Variants in AFF2 observed in about 807,000 individuals in gnomAD.
The protein encoded by AFF2 is AF4/FMR2 family member 2.
AFF2 carries 14 observed loss-of-function variants against 76.9 expected under a neutral mutation model. The observed-to-expected ratio is 0.18, with a 90% confidence interval of 0.12 to 0.28. The LOEUF is 0.28. AFF2 is among the 10% of genes least tolerant of loss of function. The pLI is 1.00. For missense variants in AFF2, 868 were observed against 1,001.1 expected (o/e 0.87, Z 1.79); for synonymous variants, 398 against 366.7 (o/e 1.09, Z -0.98).
At chrX:148,512,155 G>T (rs1656488962) in intron 1 of AFF2, among the ~76,000 whole-genome samples, 1 of 111,556 alleles carries the variant, frequency 9.0e-6, no homozygotes, top group South Asian at 3.7e-4. Context: ...CAGAAAAAAT[G>T]CAAGAGCCAT....
chrX:148,639,255 T>A (rs781931853), intron 1 of AFF2, among the ~76,000 whole-genome samples: 1 of 112,291 alleles, frequency 8.9e-6, no homozygotes, highest in African/African-American at 3.2e-5. Flanking sequence ...AAGAGAAACA[T>A]TTAAAAATCC....
intron 1 of AFF2, among the ~76,000 whole-genome samples, chrX:148,638,732 T>C (rs934723265): frequency 9.0e-6 from 1 of 110,498 alleles, no homozygotes; most frequent in Non-Finnish European, 1.9e-5. Flanking sequence ...TGCCACACAC[T>C]TAAACAACCA....
chrX:148,581,065 A>G (rs868950917), intron 1 of AFF2, among the ~76,000 whole-genome samples: 12 of 89,460 alleles, frequency 1.3e-4, no homozygotes, highest in South Asian at 5.2e-4. Context: ...GTGTATATGT[A>G]TATATACACA....
chrX:148,946,262 T>C (rs1343274697), intron 9 of AFF2, among the ~76,000 whole-genome samples: 3 of 112,295 alleles, frequency 2.7e-5, no homozygotes, highest in Non-Finnish European at 3.8e-5. Flanking sequence ...TCTACTAGCG[T>C]CTTTTTACTC....
At chrX:148,770,789 A>G (rs782558215) in intron 3 of AFF2, among the ~76,000 whole-genome samples, 1 of 112,152 alleles carries the variant, frequency 8.9e-6, no homozygotes, top group African/African-American at 3.2e-5. Context: ...TTGCAGCTTA[A>G]TATGGTGTAA....
At chrX:148,778,508 G>T (rs1339838000) in intron 3 of AFF2, among the ~76,000 whole-genome samples, 1 of 111,002 alleles carries the variant, frequency 9.0e-6, no homozygotes, top group African/African-American at 3.3e-5. Flanking sequence ...TAATTTTTTG[G>T]TTGGTAGTCT....
chrX:148,561,034 G>GT (rs1569551279), intron 1 of AFF2, among the ~76,000 whole-genome samples: 1 of 111,569 alleles, frequency 9.0e-6, no homozygotes, highest in African/African-American at 3.3e-5. Flanking sequence ...AAGTATTTGC[G>GT]TTTTTTGTAA....
intron 9 of AFF2, among the ~76,000 whole-genome samples, chrX:148,942,236 A>T (rs73614024): frequency 0.013 from 1,359 of 108,591 alleles, 23 homozygotes; most frequent in African/African-American, 0.043. Context: ...AGATAGAGCA[A>T]ACAGGATAAG....
At chrX:148,572,991 T>C (rs1482618814) in intron 1 of AFF2, among the ~76,000 whole-genome samples, 1 of 111,288 alleles carries the variant, frequency 9.0e-6, no homozygotes, top group African/African-American at 3.3e-5. Context: ...AAACAGCAAC[T>C]AGATATATTG....
chrX:148,683,306 A>G (rs1557260089), intron 3 of AFF2, among the ~76,000 whole-genome samples: 1 of 112,380 alleles, frequency 8.9e-6, no homozygotes, highest in Non-Finnish European at 1.9e-5. Context: ...CATCTTCAGT[A>G]GAGCTCCCCA....
chrX:148,625,222 A>G (rs1242601264), intron 1 of AFF2, among the ~76,000 whole-genome samples: 4 of 111,091 alleles, frequency 3.6e-5, no homozygotes, highest in Non-Finnish European at 7.6e-5. Context: ...CCCTGTCAAT[A>G]GCTGTGAATA....
chrX:148,834,505 ATGTGTGTGTGTG>A lies in AFF2; in HGVS notation c.1087-3110_1087-3099del, dbSNP rs61709112. On this transcript the variant is annotated intron_variant, in intron 4 of 20. Transcript: ENST00000370460. ...TTGTGGAAGTTCAGACCAGTCTCAGATGTGTGTGTGTGTGTGTGTGTGTGTGTGTGTGTGTGT... is the reference window on the plus strand; with the variant it reads ...TTGTGGAAGTTCAGACCAGTCTCAGATGTGTGTGTGTGTGTGTGTGTGTGT... Among the ~76,000 whole-genome samples the A allele has an allele frequency of 3.8e-4, 35 of 91,702 alleles. 1 individual carries two copies. In the South Asian group the frequency reaches 7.0e-3, roughly 18 times the overall value. 79.6% of individuals were successfully genotyped at this position (91,702 alleles called of 115,157 possible).
At chrX:148,837,825 C>A in intron 5 of AFF2, 92 bp downstream of exon 5, 1 of 542,455 alleles carries the variant, frequency 1.8e-6, no homozygotes, top group Non-Finnish European at 3.1e-6. Flanking sequence ...TGGCCTTGGT[C>A]TTCTAGTGCC....
At chrX:148,671,365 T>C (rs192262918) in intron 3 of AFF2, among the ~76,000 whole-genome samples, 1 of 112,020 alleles carries the variant, frequency 8.9e-6, no homozygotes, top group East Asian at 2.8e-4. Flanking sequence ...CTTTGGAAAG[T>C]GTGAAATATT....
At chrX:148,691,283 C>T (rs1204106749) in intron 3 of AFF2, among the ~76,000 whole-genome samples, 4 of 112,207 alleles carry the variant, frequency 3.6e-5, no homozygotes, top group Non-Finnish European at 7.5e-5. Flanking sequence ...ACAACAGAAT[C>T]TAGGATTTTC....
chrX:148,805,322 T>C (rs2070114970), intron 3 of AFF2, among the ~76,000 whole-genome samples: 1 of 111,585 alleles, frequency 9.0e-6, no homozygotes, highest in African/African-American at 3.3e-5. Flanking sequence ...TGGACTATGA[T>C]TGCCAGCTTT....
chrX:148,819,843 A>G (rs1253704864), intron 4 of AFF2, among the ~76,000 whole-genome samples: 1 of 111,770 alleles, frequency 8.9e-6, no homozygotes, highest in Non-Finnish European at 1.9e-5. Flanking sequence ...GTTGAGATTT[A>G]CATTATGTTC....
rs1165069338 is a variant in AFF2, at chrX:148,958,208, C to T, written c.2569-129C>T. 5 of 923,290 alleles carry T rather than the reference C, an allele frequency of 5.4e-6. No homozygotes were observed. In the African/African-American group the frequency reaches 9.9e-5, roughly 18 times the overall value. The allele number at this position is 923,290 out of a possible 1,213,427, so 76.1% of individuals were successfully genotyped here. The stretch of plus-strand genomic sequence containing the variant: ...TGTCTGATCAAAGGTGCACATTTAA[C>T]TCACCTACCTAATCTAGAAGTTAAA... On this transcript the variant is annotated intron_variant, in intron 11 of 20. Transcript: ENST00000370460.
At chrX:148,834,588 GT>G (rs2124663886) in intron 4 of AFF2, among the ~76,000 whole-genome samples, 1 of 109,709 alleles carries the variant, frequency 9.1e-6, no homozygotes. Flanking sequence ...GATTCTTGGT[GT>G]TGTGTACAGG....
Sources: allele counts gnomAD v4.1 joint callset (sites outside exome capture counted in the v4.1 genomes callset), GRCh38; gene constraint gnomAD v4.1.1; transcripts MANE v1.5; gene names NCBI Gene and HGNC (gene_info 2026-07-23, HGNC 2026-07-21).